Variants in NR3C2 observed in about 807,000 individuals in gnomAD.
NR3C2 encodes nuclear receptor subfamily 3 group C member 2.
In NR3C2, 15 loss-of-function variants were observed where a neutral mutation model predicts 86.4. That is an observed-to-expected ratio of 0.17 (90% CI 0.12 to 0.27). The LOEUF is 0.27. Ranked by LOEUF, NR3C2 falls within the 10% of genes least tolerant of loss-of-function variation. NR3C2 has a pLI of 1.00. For synonymous variants in NR3C2, 458 were observed against 450.5 expected, an observed-to-expected ratio of 1.02 and a Z score of -0.21; for missense variants, 960 against 1,195.6, an observed-to-expected ratio of 0.80 and a Z score of 2.91.
intron 3 of NR3C2, among the ~76,000 whole-genome samples, chr4:148,224,895 G>GA (rs1056184454): frequency 2.0e-5 from 3 of 152,090 alleles, no homozygotes; most frequent in African/African-American, 7.2e-5. Context: ...GCTACATCCA[G>GA]AAAAAACTCC....
chr4:148,113,036 A>T (rs1490274195), intron 8 of NR3C2, among the ~76,000 whole-genome samples: 1 of 152,236 alleles, frequency 6.6e-6, no homozygotes, highest in East Asian at 1.9e-4. Flanking sequence ...ACATCGTTTG[A>T]GCCGGAATTG....
chr4:148,121,261 T>C (rs920779108), intron 6 of NR3C2, among the ~76,000 whole-genome samples: 1 of 152,166 alleles, frequency 6.6e-6, no homozygotes, highest in Non-Finnish European at 1.5e-5. Flanking sequence ...GGGATCTCTT[T>C]TGCAGGATGG....
At chr4:148,160,015 C>T (rs1734585803) in intron 4 of NR3C2, among the ~76,000 whole-genome samples, 1 of 152,178 alleles carries the variant, frequency 6.6e-6, no homozygotes, top group African/African-American at 2.4e-5. Flanking sequence ...GTGCAGGGTA[C>T]ATTAATGTGA....
chr4:148,331,824 A>G (rs913288086), intron 2 of NR3C2, among the ~76,000 whole-genome samples: 2 of 152,212 alleles, frequency 1.3e-5, no homozygotes, highest in Non-Finnish European at 2.9e-5. Flanking sequence ...ACCATCTCTT[A>G]TTACTGAATA....
At chr4:148,422,461 C>T (rs766078465) in intron 2 of NR3C2, among the ~76,000 whole-genome samples, 35 of 152,066 alleles carry the variant, frequency 2.3e-4, no homozygotes, top group Non-Finnish European at 4.7e-4. Context: ...AGAATATCTA[C>T]TCCCAATTCC....
chr4:148,116,933 T>C (rs1371897815), intron 7 of NR3C2, among the ~76,000 whole-genome samples: 3 of 152,214 alleles, frequency 2.0e-5, no homozygotes, highest in Non-Finnish European at 4.4e-5. Flanking sequence ...TATCATCCAT[T>C]TGTCATAATT....
At chr4:148,355,078 G>A (rs1454035679) in intron 2 of NR3C2, among the ~76,000 whole-genome samples, 1 of 152,102 alleles carries the variant, frequency 6.6e-6, no homozygotes, top group Non-Finnish European at 1.5e-5. Flanking sequence ...ATTACCACTT[G>A]TTTATATAAC....
At chr4:148,129,297 T>C (rs970706467) in intron 6 of NR3C2, among the ~76,000 whole-genome samples, 3 of 152,226 alleles carry the variant, frequency 2.0e-5, no homozygotes, top group Admixed American at 2.0e-4. Context: ...ATTTCACTTA[T>C]ATGAGCTATC....
At position 148,081,151 on chromosome 4, in the gene NR3C2, C is replaced by T; in HGVS notation, c.*193G>A. The stretch of plus-strand genomic sequence containing the variant: ...GATTGGAGGTGGGGAATCCTTCAGA[C>T]TGCTCTGGTCTCGCCAAATCCACGG... On this transcript the variant is annotated 3_prime_UTR_variant, in exon 9 of 9. Transcript: ENST00000358102. 1 of 688,752 alleles carries T rather than the reference C, an allele frequency of 1.5e-6. No individual in the cohort carries two copies. The highest frequency in any genetic ancestry group is 2.5e-6 in the Non-Finnish European group (1 of 393,102). The allele number at this position is 688,752 out of a possible 1,614,324, so 42.7% of individuals were successfully genotyped here. A position where few individuals can be genotyped will look rare whatever the true frequency, so the allele number is the denominator to read the frequency against.
rs759240773 is a variant in NR3C2 at position 148,129,698 on chromosome 4, C to T, written c.2511-9410G>A. Among the ~76,000 whole-genome samples, 8 of 152,216 alleles carry T rather than the reference C, an allele frequency of 5.3e-5. No homozygotes were observed. The East Asian group carries it at 7.7e-4, about 15-fold the overall frequency. On this transcript the variant is annotated intron_variant, in intron 6 of 8. Coordinates refer to ENST00000358102, the MANE Select transcript of NR3C2 (RefSeq NM_000901.5). The stretch of plus-strand genomic sequence containing the variant: ...GCAACCTTCGCCTCCCTGGTTCAAG[C>T]GATTCTTCCACCTCAGCCTCTCAAG...
At chr4:148,196,286 G>A (rs1372856255) in intron 3 of NR3C2, among the ~76,000 whole-genome samples, 1 of 152,246 alleles carries the variant, frequency 6.6e-6, no homozygotes, top group Admixed American at 6.5e-5. Flanking sequence ...AGTGGTTTAT[G>A]AGGAATGACC....
intron 2 of NR3C2, among the ~76,000 whole-genome samples, chr4:148,335,851 T>C (rs1163760427): frequency 6.6e-6 from 1 of 152,116 alleles, no homozygotes; most frequent in Non-Finnish European, 1.5e-5. Flanking sequence ...ATTTTCACTG[T>C]AGTGTTATTT....
At chr4:148,230,313 C>T (rs529264643) in intron 3 of NR3C2, among the ~76,000 whole-genome samples, 10 of 152,280 alleles carry the variant, frequency 6.6e-5, no homozygotes, top group South Asian at 6.2e-4. Flanking sequence ...CATGCCTTAG[C>T]CACCCAAGCA....
rs1742421435 is a variant in NR3C2 at position 148,303,043 on chromosome 4, A to C, written c.1758-42926T>G. Among the ~76,000 whole-genome samples, 2 of 152,134 alleles carry C rather than the reference A, an allele frequency of 1.3e-5. 1 individual carries two copies. Among genetic ancestry groups the C allele is most frequent in the South Asian group, 4.1e-4 (2 of 4,820 alleles). ...CATCAAAGCCAGTCTAAAAGGCCTA[A>C]GTAGAAATAATTATTCTTGGTGCAC... On this transcript the variant is annotated intron_variant, in intron 2 of 8. Transcript: ENST00000358102.
intron 4 of NR3C2, among the ~76,000 whole-genome samples, chr4:148,160,989 G>A (rs1472802724): frequency 6.6e-6 from 1 of 152,194 alleles, no homozygotes; most frequent in Non-Finnish European, 1.5e-5. Flanking sequence ...ACCAAAGGAA[G>A]CAATGTCATC....
intron 2 of NR3C2, among the ~76,000 whole-genome samples, chr4:148,405,313 T>C (rs1313902997): frequency 1.3e-5 from 2 of 152,200 alleles, no homozygotes; most frequent in South Asian, 2.1e-4. Flanking sequence ...TTGCCAACTA[T>C]GCAGATGTGC....
At chr4:148,444,672 C>T (rs2126679739), upstream of NR3C2, 2 of 985,582 alleles carry the variant, frequency 2.0e-6, no homozygotes, top group Non-Finnish European at 2.4e-6. Context: ...CAGTGGCAGT[C>T]GCCCTGCTGA....
At chr4:148,126,885 A>T (rs1732773686) in intron 6 of NR3C2, among the ~76,000 whole-genome samples, 1 of 152,168 alleles carries the variant, frequency 6.6e-6, no homozygotes, top group Admixed American at 6.5e-5. Context: ...TTTTAGGTAC[A>T]TGTGAAGCCA....
At chr4:148,325,110 C>A (rs901460042) in intron 2 of NR3C2, among the ~76,000 whole-genome samples, 1 of 148,676 alleles carries the variant, frequency 6.7e-6, no homozygotes, top group Non-Finnish European at 1.5e-5. Context: ...AGTGGAGAGA[C>A]AGAGAGAGAG....
Sources: gnomAD v4.1 joint callset for allele counts (sites outside exome capture counted in the v4.1 genomes callset) on GRCh38, gnomAD v4.1.1 for gene constraint, MANE v1.5 for transcripts, NCBI Gene and HGNC (gene_info 2026-07-23, HGNC 2026-07-21) for gene names.